Variants in CEP63 observed in about 807,000 individuals in gnomAD.
CEP63 encodes the protein centrosomal protein 63, also known as centrosomal protein of 63 kDa.
CEP63 carries 84 observed loss-of-function variants against 89.1 expected under a neutral mutation model. The ratio of observed to expected loss-of-function variants is 0.94; its 90% CI spans 0.79 to 1.13. CEP63 has a LOEUF of 1.13. CEP63 is among the 50% of genes most tolerant of loss of function. CEP63 has a pLI of 0.00. For synonymous variants in CEP63, 267 were observed against 272.5 expected, an observed-to-expected ratio of 0.98 and a Z score of 0.20; for missense variants, 838 against 813.3, an observed-to-expected ratio of 1.03 and a Z score of -0.37.
At chr3:134,780,039 A>G in the CEP63 span, 1 of 152,196 alleles carries the variant, frequency 6.6e-6, no homozygotes, top group African/African-American at 2.4e-5. Context: ...TCCTACCGGC[A>G]TTTTATGACA....
At chr3:134,776,766 G>T in the CEP63 span, among the ~76,000 whole-genome samples, 1 of 152,206 alleles carries the variant, frequency 6.6e-6, no homozygotes, top group Non-Finnish European at 1.5e-5. Flanking sequence ...GGTCATGGGA[G>T]CCAGGCAGTT....
At chr3:134,669,020 T>G in the CEP63 span, among the ~76,000 whole-genome samples, 1 of 151,858 alleles carries the variant, frequency 6.6e-6, no homozygotes, top group Non-Finnish European at 1.5e-5. Context: ...GCTTCCTTCT[T>G]CTTCCTTTTT....
intron 10 of CEP63, among the ~76,000 whole-genome samples, chr3:134,584,821 G>T (rs576877941): frequency 6.6e-6 from 1 of 152,162 alleles, no homozygotes; most frequent in South Asian, 2.1e-4. Flanking sequence ...ACTTTTTTTG[G>T]TTGGTAGGCT....
the CEP63 span, chr3:134,603,393 A>C: frequency 1.8e-6 from 1 of 560,386 alleles, no homozygotes; most frequent in South Asian, 2.8e-5. Context: ...TCACAGCCAC[A>C]CCTGAGTGAA....
At chr3:134,694,174 G>C in the CEP63 span, among the ~76,000 whole-genome samples, 1 of 152,328 alleles carries the variant, frequency 6.6e-6, no homozygotes, top group African/African-American at 2.4e-5. Context: ...GGTTACTGGA[G>C]GTAAGGTGGA....
At chr3:134,519,640 G>A (rs1015833651) in intron 3 of CEP63, among the ~76,000 whole-genome samples, 3 of 152,128 alleles carry the variant, frequency 2.0e-5, no homozygotes, top group African/African-American at 4.8e-5. Context: ...CAAGGATGTA[G>A]CAGTTAAGGA....
At chr3:134,657,461 T>G in the CEP63 span, among the ~76,000 whole-genome samples, 1 of 152,044 alleles carries the variant, frequency 6.6e-6, no homozygotes, top group East Asian at 1.9e-4. Context: ...GGTATCATGA[T>G]TTTTTTTCAC....
the CEP63 span, among the ~76,000 whole-genome samples, chr3:134,741,025 G>A: frequency 1.3e-5 from 2 of 152,150 alleles, no homozygotes; most frequent in African/African-American, 4.8e-5. Context: ...AAGAATGGTG[G>A]TGGGAGGGGT....
the CEP63 span, among the ~76,000 whole-genome samples, chr3:134,638,822 G>A: frequency 6.6e-6 from 1 of 152,236 alleles, no homozygotes; most frequent in Non-Finnish European, 1.5e-5. Flanking sequence ...ACCTAACGCA[G>A]TATGGCAAAC....
intron 3 of CEP63, among the ~76,000 whole-genome samples, chr3:134,526,217 A>G (rs1482503556): frequency 1.3e-5 from 2 of 151,108 alleles, no homozygotes; most frequent in East Asian, 1.9e-4. Context: ...TGCTTGGTCT[A>G]TTTTGCTATT....
intron 1 of CEP63, among the ~76,000 whole-genome samples, chr3:134,490,420 C>T (rs923298542): frequency 3.3e-5 from 5 of 151,884 alleles, no homozygotes; most frequent in African/African-American, 1.2e-4. Flanking sequence ...CTGAATAGTG[C>T]TTAGGATTTC....
At chr3:134,486,600 C>T (rs2107739497) in intron 1 of CEP63, 3 of 885,922 alleles carry the variant, frequency 3.4e-6, no homozygotes, top group East Asian at 2.0e-4. Context: ...CCCCGGCGGA[C>T]CCACCTTCCT....
At chr3:134,780,706 T>C in the CEP63 span, 1 of 152,226 alleles carries the variant, frequency 6.6e-6, no homozygotes, top group Non-Finnish European at 1.5e-5. Flanking sequence ...ACTTTTTAAA[T>C]TAAGTTGCAG....
chr3:134,702,987 A>G, the CEP63 span, among the ~76,000 whole-genome samples: 4 of 152,170 alleles, frequency 2.6e-5, no homozygotes, highest in African/African-American at 7.2e-5. Flanking sequence ...AAAGGAATAT[A>G]AAACAGTCTA....
rs912444458 is a variant in CEP63, at chr3:134,564,939, C to T, written c.*3404C>T. On this transcript the variant is annotated 3_prime_UTR_variant, in exon 15 of 15. Coordinates refer to ENST00000675561, the MANE Select transcript of CEP63 (RefSeq NM_001353108.3). Reference sequence around the variant, plus strand: ...AGTATCTAATAGTTAATGGGTTGTCCAAATTTGTCAGAACATTTGACTGTA... The same window carrying T: ...AGTATCTAATAGTTAATGGGTTGTCTAAATTTGTCAGAACATTTGACTGTA... 3.6e-4 allele frequency: 350 copies of T among 982,384 alleles called. 1 individual carries two copies. The highest frequency in any genetic ancestry group is 4.0e-4 in the Non-Finnish European group (333 of 827,354). 60.9% of individuals were successfully genotyped at this position (982,384 alleles called of 1,614,324 possible). A position where few individuals can be genotyped will look rare whatever the true frequency, so the allele number is the denominator to read the frequency against.
At chr3:134,591,545 C>T (rs1958594898), downstream of CEP63, among the ~76,000 whole-genome samples, 1 of 152,130 alleles carries the variant, frequency 6.6e-6, no homozygotes, top group Admixed American at 6.6e-5. Flanking sequence ...TGGAAGTCTT[C>T]TCAAAGTCCT....
chr3:134,754,090 G>A, the CEP63 span, among the ~76,000 whole-genome samples: 2 of 152,194 alleles, frequency 1.3e-5, no homozygotes, highest in Admixed American at 6.5e-5. Context: ...TGGCATCCCT[G>A]AGCCCAAAGG....
At chr3:134,505,881 A>AG (rs1943317004) in intron 2 of CEP63, among the ~76,000 whole-genome samples, 1 of 152,186 alleles carries the variant, frequency 6.6e-6, no homozygotes, top group Non-Finnish European at 1.5e-5. Flanking sequence ...TAAAAAACTT[A>AG]TCTGAGTTGT....
chr3:134,736,042 G>A, the CEP63 span, among the ~76,000 whole-genome samples: 11 of 152,020 alleles, frequency 7.2e-5, no homozygotes, highest in Non-Finnish European at 1.3e-4. Context: ...GAACCCAAAG[G>A]CGAGTAGGAA....
Sources: gnomAD v4.1 joint callset for allele counts (sites outside exome capture counted in the v4.1 genomes callset) on GRCh38, gnomAD v4.1.1 for gene constraint, MANE v1.5 for transcripts, NCBI Gene and HGNC (gene_info 2026-07-23, HGNC 2026-07-21) for gene names.